PDE8B: variants seen among roughly 807,000 people sequenced by gnomAD.
PDE8B encodes phosphodiesterase 8B, also known as high affinity cAMP-specific and IBMX-insensitive 3',5'-cyclic phosphodiesterase 8B.
PDE8B carries 26 observed loss-of-function variants against 101.3 expected under a neutral mutation model. The ratio of observed to expected loss-of-function variants is 0.26; its 90% CI spans 0.19 to 0.36. The LOEUF is 0.36. PDE8B is among the 10% of genes least tolerant of loss of function. The pLI is 1.00. For missense variants in PDE8B, 810 were observed against 1,163.1 expected (o/e 0.70, Z 4.42); for synonymous variants, 424 against 429.3 (o/e 0.99, Z 0.15).
the PDE8B span, among the ~76,000 whole-genome samples, chr5:77,166,063 T>G: frequency 6.7e-6 from 1 of 149,890 alleles, no homozygotes; most frequent in Non-Finnish European, 1.5e-5. Flanking sequence ...TCATAGAAGG[T>G]TCTGGAAGCC....
At chr5:77,283,964 C>T (rs1765520078) in intron 1 of PDE8B, among the ~76,000 whole-genome samples, 1 of 152,232 alleles carries the variant, frequency 6.6e-6, no homozygotes, top group South Asian at 2.1e-4. Context: ...AATTAGAGTT[C>T]CTGATGCTCC....
chr5:77,276,259 G>C (rs1472362223), intron 1 of PDE8B, among the ~76,000 whole-genome samples: 7 of 152,100 alleles, frequency 4.6e-5, no homozygotes, highest in Non-Finnish European at 1.5e-5. Flanking sequence ...TGCGCCTGCT[G>C]TTCCCTCTGC....
chr5:77,335,339 T>G (rs1777937694), intron 5 of PDE8B, among the ~76,000 whole-genome samples: 1 of 152,226 alleles, frequency 6.6e-6, no homozygotes, highest in South Asian at 2.1e-4. Flanking sequence ...AAATGGAATC[T>G]AACCATGTTT....
At chr5:77,409,997 G>T (rs1794218796) in intron 14 of PDE8B, among the ~76,000 whole-genome samples, 1 of 152,202 alleles carries the variant, frequency 6.6e-6, no homozygotes, top group Non-Finnish European at 1.5e-5. Flanking sequence ...CAAGAAGGTG[G>T]CCACCGCAGA....
At chr5:77,403,457 G>A (rs1051311268) in intron 11 of PDE8B, among the ~76,000 whole-genome samples, 8 of 151,940 alleles carry the variant, frequency 5.3e-5, no homozygotes, top group South Asian at 4.1e-4. Context: ...GCCAAAATTC[G>A]TCTGAATTAA....
intron 2 of PDE8B, among the ~76,000 whole-genome samples, chr5:77,315,541 G>A (rs1351989506): frequency 6.6e-6 from 1 of 152,140 alleles, no homozygotes; most frequent in Non-Finnish European, 1.5e-5. Flanking sequence ...ATAAAAAGAT[G>A]TATTCTCTAT....
intron 1 of PDE8B, among the ~76,000 whole-genome samples, chr5:77,224,166 A>C (rs150872198): frequency 3.3e-5 from 5 of 152,128 alleles, no homozygotes; most frequent in African/African-American, 1.2e-4. Context: ...TTAATTTTCA[A>C]CTTCTTCTGT....
the PDE8B span, among the ~76,000 whole-genome samples, chr5:77,150,996 A>G: frequency 6.6e-6 from 1 of 152,198 alleles, no homozygotes; most frequent in South Asian, 2.1e-4. Flanking sequence ...TTCTAAATCC[A>G]TAGAATTGTG....
chr5:77,423,363 T>C (rs138791694), intron 20 of PDE8B, among the ~76,000 whole-genome samples: 125 of 152,338 alleles, frequency 8.2e-4, no homozygotes, highest in African/African-American at 2.9e-3. Context: ...TTATTTTCCT[T>C]TGGGTATATA....
chr5:77,357,075 T>C (rs1368985644), intron 10 of PDE8B, among the ~76,000 whole-genome samples: 1 of 152,182 alleles, frequency 6.6e-6, no homozygotes. Flanking sequence ...AGAATGTCTT[T>C]GCGGGGAGAT....
At chr5:77,149,441 A>T in the PDE8B span, among the ~76,000 whole-genome samples, 1 of 152,138 alleles carries the variant, frequency 6.6e-6, no homozygotes, top group Non-Finnish European at 1.5e-5. Context: ...GAACCTATAG[A>T]TCTATTTGAG....
chr5:77,273,248 CG>C lies in PDE8B; in HGVS notation c.340-38745del, dbSNP rs1046138210. ...CTGAAGCCTAATTTTAACATTGTAT[CG>C]TTTTTTATAGTTATTGACACTTTGC... On this transcript the variant is annotated intron_variant, in intron 1 of 21. Coordinates refer to ENST00000264917, the MANE Select transcript of PDE8B (RefSeq NM_003719.5). Among the ~76,000 whole-genome samples, 78 of 152,240 alleles carry C rather than the reference CG, an allele frequency of 5.1e-4. 1 individual carries two copies. The highest frequency in any genetic ancestry group is 1.8e-3 in the African/African-American group (73 of 41,544).
At chr5:77,094,605 AT>A in the PDE8B span, among the ~76,000 whole-genome samples, 4 of 152,012 alleles carry the variant, frequency 2.6e-5, no homozygotes, top group East Asian at 3.9e-4. Context: ...TATGCCTGCC[AT>A]TTTTTTTAAA....
chr5:77,208,037 A>C (rs1250026014), upstream of PDE8B, among the ~76,000 whole-genome samples: 1 of 152,222 alleles, frequency 6.6e-6, no homozygotes, highest in African/African-American at 2.4e-5. Flanking sequence ...AAAGCAGCCT[A>C]GTCCTATTCA....
At chr5:77,109,933 T>G in the PDE8B span, among the ~76,000 whole-genome samples, 2 of 91,554 alleles carry the variant, frequency 2.2e-5, no homozygotes, top group African/African-American at 4.3e-5. Context: ...TTCAGTTTTT[T>G]TTTTTTTTTT....
At chr5:77,143,533 AT>A in the PDE8B span, among the ~76,000 whole-genome samples, 1 of 152,202 alleles carries the variant, frequency 6.6e-6, no homozygotes, top group Admixed American at 6.5e-5. Flanking sequence ...CTTGGGGCCC[AT>A]AAGTGGAAGA....
chr5:77,165,860 G>T, the PDE8B span, among the ~76,000 whole-genome samples: 1 of 151,926 alleles, frequency 6.6e-6, no homozygotes, highest in Non-Finnish European at 1.5e-5. Context: ...ACAAAACTTA[G>T]CCAGGTGTGG....
At chr5:77,263,544 T>C (rs1761060349) in intron 1 of PDE8B, among the ~76,000 whole-genome samples, 2 of 152,178 alleles carry the variant, frequency 1.3e-5, no homozygotes, top group African/African-American at 4.8e-5. Flanking sequence ...GAACCCATCC[T>C]CCTGTTTCCT....
chr5:77,247,795 A>G (rs1032968767), intron 1 of PDE8B, among the ~76,000 whole-genome samples: 1 of 152,132 alleles, frequency 6.6e-6, no homozygotes, highest in Non-Finnish European at 1.5e-5. Flanking sequence ...GGTGGAAATC[A>G]TGTCCTAGTA....
Sources: gnomAD v4.1 joint callset for allele counts (sites outside exome capture counted in the v4.1 genomes callset) on GRCh38, gnomAD v4.1.1 for gene constraint, MANE v1.5 for transcripts, NCBI Gene and HGNC (gene_info 2026-07-23, HGNC 2026-07-21) for gene names.